Variants in KATNAL2 observed in about 807,000 individuals in gnomAD.
KATNAL2 encodes the protein katanin p60 ATPase-containing subunit A-like 2.
In KATNAL2, 52 loss-of-function variants were observed where a neutral mutation model predicts 76.3. The ratio of observed to expected loss-of-function variants is 0.68; its 90% CI spans 0.55 to 0.86. KATNAL2 has a LOEUF of 0.86. Among genes scored for constraint, KATNAL2 ranks in the 40% least tolerant of loss-of-function variants. The probability of loss-of-function intolerance (pLI) is 0.00; values close to 1 mark genes in which losing one functional copy is unlikely to be tolerated. For synonymous variants in KATNAL2, 243 were observed against 244.2 expected, an observed-to-expected ratio of 1.00 and a Z score of 0.05; for missense variants, 660 against 668.9, an observed-to-expected ratio of 0.99 and a Z score of 0.15.
At chr18:47,082,710 T>C (rs958863935) in intron 15 of KATNAL2, among the ~76,000 whole-genome samples, 3 of 152,142 alleles carry the variant, frequency 2.0e-5, no homozygotes, top group African/African-American at 7.2e-5. Context: ...TTAATCCTAT[T>C]AACCCAAATT....
At chr18:47,053,092 A>G in intron 5 of KATNAL2, 46 bp downstream of exon 5, 1 of 1,456,376 alleles carries the variant, frequency 6.9e-7, no homozygotes, top group Non-Finnish European at 9.2e-7. Flanking sequence ...CATCTGTAAG[A>G]TTAGTGTTTC....
At chr18:46,919,911 A>G (rs1012413515) in intron 1 of KATNAL2, 3 of 422,220 alleles carry the variant, frequency 7.1e-6, no homozygotes, top group African/African-American at 6.2e-5. Context: ...AGTAGGCTTT[A>G]AGTGAATGCC....
chr18:47,066,888 T>TATATATATATATATATATAACACAC (rs11281082), intron 10 of KATNAL2, 133 bp from the exon 11 acceptor site: 1 of 75,804 alleles, frequency 1.3e-5, no homozygotes, highest in Non-Finnish European at 2.8e-5. Flanking sequence ...TATATATATA[T>TATATATATATATATATATAACACAC]ATATAATATG....
intron 3 of KATNAL2, among the ~76,000 whole-genome samples, chr18:47,031,419 C>G (rs1347391114): frequency 6.6e-6 from 1 of 150,818 alleles, no homozygotes; most frequent in East Asian, 1.9e-4. Context: ...GTCTCTCTGT[C>G]TTTCTTTTTG....
At position 47,098,168 on chromosome 18, in the gene KATNAL2, A is replaced by G. The variant is rs200770687; in HGVS notation, c.1212-1075A>G. 5 of 331,320 alleles carry G rather than the reference A, an allele frequency of 1.5e-5. No individual in the cohort carries two copies. In the East Asian group the frequency reaches 2.6e-4, roughly 17 times the overall value. 20.5% of individuals were successfully genotyped at this position (331,320 alleles called of 1,614,324 possible). A position where few individuals can be genotyped will look rare whatever the true frequency, so the allele number is the denominator to read the frequency against. On this transcript the variant is annotated intron_variant, in intron 15 of 17. Transcript: ENST00000683218. ...TTCAATTGTTTTATTCTACTTTTAT[A>G]TTAGCTTGAAAGCCATTGCACTCCA...
At chr18:46,923,680 C>T (rs1311814445) in intron 1 of KATNAL2, among the ~76,000 whole-genome samples, 2 of 152,188 alleles carry the variant, frequency 1.3e-5, no homozygotes, top group Non-Finnish European at 2.9e-5. Context: ...AACTAGTTTA[C>T]AGTCCCACCA....
chr18:47,054,169 C>T (rs1037413185), intron 5 of KATNAL2, among the ~76,000 whole-genome samples: 1 of 152,106 alleles, frequency 6.6e-6, no homozygotes, highest in Non-Finnish European at 1.5e-5. Context: ...ATATCTGAGC[C>T]CTTTGCAATC....
intron 15 of KATNAL2, 98 bp from the exon 16 acceptor site, chr18:47,099,142 CAGA>C: frequency 1.7e-6 from 2 of 1,173,898 alleles, no homozygotes; most frequent in Non-Finnish European, 2.4e-6. Flanking sequence ...AGTTAAAATG[CAGA>C]ATTGCTTCCT....
intron 3 of KATNAL2, among the ~76,000 whole-genome samples, chr18:47,043,524 A>G (rs1026754380): frequency 5.9e-5 from 9 of 152,194 alleles, no homozygotes; most frequent in African/African-American, 2.2e-4. Flanking sequence ...AAAGTGTGCT[A>G]TTAAAACAAG....
intron 15 of KATNAL2, among the ~76,000 whole-genome samples, chr18:47,089,911 T>TAA (rs201452881): frequency 1.3e-5 from 2 of 150,730 alleles, no homozygotes; most frequent in East Asian, 1.9e-4. Flanking sequence ...GTATTTCTTT[T>TAA]AAAAAAAAAA....
chr18:47,032,722 C>A, intron 3 of KATNAL2: 1 of 536,192 alleles, frequency 1.9e-6, no homozygotes, highest in South Asian at 2.4e-5. Context: ...ATGATTACAA[C>A]TAGGGTGTTT....
rs1185543319 is a variant in KATNAL2 at position 47,065,262 on chromosome 18, C to A, written c.727-1759C>A. ...ATCACTTGAGGCCAGGGGTTTGAGA[C>A]CAGCCTGGCCAACATGGCAAAAACC... On this transcript the variant is annotated intron_variant, in intron 10 of 17. Coordinates refer to ENST00000683218, the MANE Select transcript of KATNAL2 (RefSeq NM_001387690.1). Among the ~76,000 whole-genome samples, 5 of 152,210 alleles carry A rather than the reference C, an allele frequency of 3.3e-5. No individual in the cohort carries two copies. The East Asian group carries it at 9.7e-4, about 29-fold the overall frequency.
chr18:47,096,984 C>T lies in KATNAL2; in HGVS notation c.1212-2259C>T, dbSNP rs73440963. ...GAAACTGCATCCAAAAAATATTAGCCGGGCTCGCACCTGTAGTCCCAGCTA... is the reference window on the plus strand; with the variant it reads ...GAAACTGCATCCAAAAAATATTAGCTGGGCTCGCACCTGTAGTCCCAGCTA... On this transcript the variant is annotated intron_variant, in intron 15 of 17. Coordinates refer to ENST00000683218, the MANE Select transcript of KATNAL2 (RefSeq NM_001387690.1). Among the ~76,000 whole-genome samples, 702 of 151,684 alleles carry T rather than the reference C, an allele frequency of 4.6e-3. 7 individuals carry two copies. The highest frequency in any genetic ancestry group is 0.016 in the African/African-American group (648 of 41,392).
intron 3 of KATNAL2, among the ~76,000 whole-genome samples, chr18:46,958,828 T>G (rs1442560517): frequency 6.6e-6 from 1 of 152,234 alleles, no homozygotes; most frequent in Non-Finnish European, 1.5e-5. Context: ...TAATGGTTTT[T>G]GGAAAACTGG....
intron 1 of KATNAL2, among the ~76,000 whole-genome samples, chr18:46,943,081 T>C (rs1231569828): frequency 1.3e-5 from 2 of 152,064 alleles, no homozygotes; most frequent in African/African-American, 4.8e-5. Context: ...GTGGGAGTAA[T>C]GGTAATTTTT....
intron 3 of KATNAL2, among the ~76,000 whole-genome samples, chr18:46,960,475 G>C (rs2059905340): frequency 6.6e-6 from 1 of 151,852 alleles, no homozygotes; most frequent in Non-Finnish European, 1.5e-5. Flanking sequence ...AAGCGATAGA[G>C]ATTGGAGTTT....
intron 3 of KATNAL2, among the ~76,000 whole-genome samples, chr18:47,046,150 T>C (rs1599649093): frequency 6.6e-6 from 1 of 152,196 alleles, no homozygotes. Flanking sequence ...TAGTAGTAGA[T>C]GTACATTTGT....
intron 3 of KATNAL2, chr18:47,033,599 C>T: frequency 1.9e-6 from 3 of 1,614,162 alleles, no homozygotes; most frequent in Non-Finnish European, 2.5e-6. Flanking sequence ...AGAACAGGTT[C>T]AAGAACCCAG....
chr18:47,071,463 A>G (rs1196616076), intron 13 of KATNAL2, among the ~76,000 whole-genome samples: 1 of 152,184 alleles, frequency 6.6e-6, no homozygotes, highest in African/African-American at 2.4e-5. Context: ...AGACGACTGT[A>G]GCTGAAATTC....
Sources: allele counts gnomAD v4.1 joint callset (sites outside exome capture counted in the v4.1 genomes callset), GRCh38; gene constraint gnomAD v4.1.1; transcripts MANE v1.5; gene names NCBI Gene and HGNC (gene_info 2026-07-23, HGNC 2026-07-21).